The following NRXN3 variants were observed in gnomAD, a reference collection of about 807,000 sequenced individuals.
The protein encoded by NRXN3 is neurexin III.
A neutral mutation model predicts 137.6 loss-of-function variants in NRXN3; 32 were observed. The ratio of observed to expected loss-of-function variants is 0.23; its 90% CI spans 0.18 to 0.31. The LOEUF is 0.31. NRXN3 is among the 10% of genes least tolerant of loss of function. The pLI, the probability that NRXN3 is intolerant of heterozygous loss-of-function variation, is 1.00. For missense variants in NRXN3, 1,574 were observed against 2,062.5 expected, an observed-to-expected ratio of 0.76 and a Z score of 4.59; for synonymous variants, 798 against 784.5, an observed-to-expected ratio of 1.02 and a Z score of -0.29.
At chr14:79,184,196 G>C in intron 15 of NRXN3, among the ~76,000 whole-genome samples, 1 of 152,166 alleles carries the variant, frequency 6.6e-6, no homozygotes, top group South Asian at 2.1e-4. Flanking sequence ...CATTTTGGCA[G>C]GCCAGATGAT....
At position 78,758,879 on chromosome 14, in the gene NRXN3, T is replaced by C. The variant is rs537135794; in HGVS notation, c.2044+43740T>C. ...ATCATCAGTGTCCTTCGCAAAGAAG[T>C]ATAGCTGTAGATTCTCCCTGGAGGA... On this transcript the variant is annotated intron_variant, in intron 8 of 20. Coordinates refer to ENST00000335750, the MANE Select transcript of NRXN3 (RefSeq NM_001330195.2). 9.2e-5 allele frequency among the ~76,000 whole-genome samples: 14 copies of C among 152,302 alleles called. No individual in the cohort carries two copies. In the East Asian group the frequency reaches 2.1e-3, roughly 23 times the overall value.
Position 79,549,777 on chromosome 14 carries a change from C to T in NRXN3, c.3444+82375C>T, listed in dbSNP as rs2097356004. 2.6e-5 allele frequency among the ~76,000 whole-genome samples: 4 copies of T among 152,182 alleles called. No homozygotes were observed. The South Asian group carries it at 8.3e-4, about 32-fold the overall frequency. On this transcript the variant is annotated intron_variant, in intron 16 of 20. Transcript: ENST00000335750. Reference sequence around the variant, plus strand: ...AAAAGTGGTATGTCCATTATTATGACCTATTTAGTGGCCCAGCAAATCCCC... The same window carrying T: ...AAAAGTGGTATGTCCATTATTATGATCTATTTAGTGGCCCAGCAAATCCCC...
At chr14:79,132,531 C>A (rs1374896787) in intron 15 of NRXN3, among the ~76,000 whole-genome samples, 2 of 152,044 alleles carry the variant, frequency 1.3e-5, no homozygotes, top group African/African-American at 4.8e-5. Flanking sequence ...CCTATTTCTC[C>A]TTTTTTGGGG....
intron 2 of NRXN3, among the ~76,000 whole-genome samples, chr14:78,265,850 ATAAT>A (rs1423732837): frequency 6.6e-6 from 1 of 152,176 alleles, no homozygotes; most frequent in South Asian, 2.1e-4. Flanking sequence ...GATCACAATG[ATAAT>A]TAATTAGTTG....
At chr14:78,895,837 A>G (rs1345514197) in intron 10 of NRXN3, among the ~76,000 whole-genome samples, 1 of 151,862 alleles carries the variant, frequency 6.6e-6, no homozygotes, top group Non-Finnish European at 1.5e-5. Flanking sequence ...AGGAAGAAAA[A>G]TGTGAGAATG....
chr14:79,297,330 G>C (rs2084351677), intron 15 of NRXN3, among the ~76,000 whole-genome samples: 1 of 152,076 alleles, frequency 6.6e-6, no homozygotes, highest in South Asian at 2.1e-4. Flanking sequence ...AATTAAATTT[G>C]TATTCAGATA....
Position 78,645,261 on chromosome 14 carries a change from G to A in NRXN3, c.899G>A (p.Gly300Asp). The change falls in exon 5 of 21, where the codon GGC becomes GAC. Residue 300 changes from glycine (G) to aspartate (D), a missense_variant. Physicochemically the swap from Gly to Asp is moderately conservative, Grantham distance 94. This residue lies in a region of NRXN3 where 400 missense variants were observed against 527.3 expected (regional missense o/e 0.76). Transcript: ENST00000335750. Reference protein sequence around the residue: ...WQRNGLILHTGKSADYVNLAL... With the variant: ...WQRNGLILHTDKSADYVNLAL... ...CGTAACGGCCTCATCCTGCACACGG[G>A]CAAGTCGGCTGACTATGTCAACCTG... 1.9e-6 allele frequency: 3 copies of A among 1,598,786 alleles called. No homozygotes were observed. Among genetic ancestry groups the A allele is most frequent in the Non-Finnish European group, 2.5e-6 (3 of 1,179,784 alleles).
At chr14:79,246,163 T>C (rs1036274014) in intron 15 of NRXN3, among the ~76,000 whole-genome samples, 2 of 152,212 alleles carry the variant, frequency 1.3e-5, no homozygotes, top group Non-Finnish European at 2.9e-5. Context: ...CAAAGTAGCA[T>C]ATTCCCATGG....
In NRXN3 at chr14:78,988,017, A is replaced by G; in HGVS notation, c.3143-5A>G. On this transcript the variant is annotated splice_region_variant and splice_polypyrimidine_tract_variant and intron_variant, in intron 14 of 20. Transcript: ENST00000335750. ...TTTTTTTCCCCTCTTCTTGTGCATT[A>G]CTAGGACCCAGTACCACCTGCCAGG... is the stretch of plus-strand genomic sequence containing the variant. 3 of 1,613,172 alleles carry G rather than the reference A, an allele frequency of 1.9e-6. No individual in the cohort carries two copies. The highest frequency in any genetic ancestry group is 2.7e-5 in the African/African-American group (2 of 74,894).
intron 19 of NRXN3, among the ~76,000 whole-genome samples, chr14:79,803,015 T>C (rs2140535344): frequency 6.6e-6 from 1 of 152,174 alleles, no homozygotes; most frequent in East Asian, 1.9e-4. Flanking sequence ...AACCTGCACG[T>C]TTTGCACATG....
chr14:79,500,074 T>C (rs915742581), intron 16 of NRXN3, among the ~76,000 whole-genome samples: 1 of 152,062 alleles, frequency 6.6e-6, no homozygotes, highest in African/African-American at 2.4e-5. Flanking sequence ...TCTAGACTTA[T>C]GTGCGTATTG....
chr14:79,587,551 A>G (rs1277931935), intron 16 of NRXN3, among the ~76,000 whole-genome samples: 1 of 152,220 alleles, frequency 6.6e-6, no homozygotes, highest in African/African-American at 2.4e-5. Flanking sequence ...TCTTTCAAAT[A>G]TGCATTCAAC....
intron 16 of NRXN3, among the ~76,000 whole-genome samples, chr14:79,635,795 A>G (rs2098399445): frequency 6.6e-6 from 1 of 152,150 alleles, no homozygotes; most frequent in African/African-American, 2.4e-5. Flanking sequence ...CATGGCTGGG[A>G]AGGCCTCAGG....
chr14:78,540,519 T>A (rs2096579709), intron 4 of NRXN3, among the ~76,000 whole-genome samples: 1 of 149,570 alleles, frequency 6.7e-6, no homozygotes. Flanking sequence ...TCTTTGCACA[T>A]GAGATGGGTC....
chr14:78,546,478 A>G (rs1463043519), intron 4 of NRXN3, among the ~76,000 whole-genome samples: 2 of 152,190 alleles, frequency 1.3e-5, no homozygotes, highest in South Asian at 2.1e-4. Flanking sequence ...GCCATCAAAT[A>G]TGTTACTTTT....
intron 16 of NRXN3, among the ~76,000 whole-genome samples, chr14:79,501,785 A>G (rs1263748083): frequency 6.6e-6 from 1 of 151,750 alleles, no homozygotes; most frequent in Non-Finnish European, 1.5e-5. Flanking sequence ...CAGGGACTCT[A>G]AAACTGAGAC....
intron 15 of NRXN3, among the ~76,000 whole-genome samples, chr14:79,178,557 T>A (rs2062596090): frequency 6.6e-6 from 1 of 152,198 alleles, no homozygotes; most frequent in East Asian, 1.9e-4. Context: ...CTATTGTTAC[T>A]AATTTATTGC....
intron 16 of NRXN3, among the ~76,000 whole-genome samples, chr14:79,501,717 C>A (rs1433208027): frequency 6.7e-6 from 1 of 149,220 alleles, no homozygotes; most frequent in Non-Finnish European, 1.5e-5. Flanking sequence ...AAATTAGCCT[C>A]CTCTTTGAGC....
chr14:78,201,214 AGG>A (rs1407184750), intron 1 of NRXN3, among the ~76,000 whole-genome samples: 1 of 152,232 alleles, frequency 6.6e-6, no homozygotes, highest in African/African-American at 2.4e-5. Context: ...ATTTTAGGAC[AGG>A]TGCCTCATTA....
Sources: allele counts gnomAD v4.1 joint callset (sites outside exome capture counted in the v4.1 genomes callset), GRCh38; gene constraint gnomAD v4.1.1; regional missense constraint gnomAD v4.1.1; transcripts MANE v1.5; gene names NCBI Gene and HGNC (gene_info 2026-07-23, HGNC 2026-07-21).